KIF20A: variants seen among roughly 807,000 people sequenced by gnomAD.
KIF20A encodes kinesin-like protein KIF20A.
KIF20A carries 66 observed loss-of-function variants against 113.0 expected under a neutral mutation model. That is an observed-to-expected ratio of 0.58 (90% CI 0.48 to 0.72). The LOEUF is 0.72. Among genes scored for constraint, KIF20A ranks in the 30% least tolerant of loss-of-function variants. KIF20A has a pLI of 0.00. For synonymous variants in KIF20A, 376 were observed against 402.3 expected (o/e 0.93, Z 0.78); for missense variants, 927 against 1,077.6 (o/e 0.86, Z 1.96).
rs752551503 is a variant in KIF20A at position 138,183,623 on chromosome 5, A to G, written c.1139+42A>G. ...AATAAACTCTTCACTGTGTTCCAGGAAACATTAGTCCTCTGCCTGGTCATG... is the reference window on the plus strand; with the variant it reads ...AATAAACTCTTCACTGTGTTCCAGGGAACATTAGTCCTCTGCCTGGTCATG... On this transcript the variant is annotated intron_variant, in intron 9 of 18. Coordinates refer to ENST00000394894, the MANE Select transcript of KIF20A (RefSeq NM_005733.3). The surrounding 1 kb of genome is among the most constrained non-coding windows in gnomAD (Gnocchi z 5.2). The G allele has an allele frequency of 6.2e-7, 1 of 1,608,460 alleles. No individual in the cohort carries two copies. Among genetic ancestry groups the G allele is most frequent in the Non-Finnish European group, 8.5e-7 (1 of 1,175,018 alleles).
chr5:138,185,058 C>T (rs1251068152), intron 14 of KIF20A, 37 bp from the exon 15 acceptor site: 1 of 1,595,388 alleles, frequency 6.3e-7, no homozygotes. Flanking sequence ...TCCTCAGAAC[C>T]TTCACTTACC....
Position 138,183,671 on chromosome 5 carries a change from T to C in KIF20A, c.1140-17T>C. On this transcript the variant is annotated splice_polypyrimidine_tract_variant and intron_variant, in intron 9 of 18. Transcript: ENST00000394894. The surrounding 1 kb of genome is among the most constrained non-coding windows in gnomAD (Gnocchi z 5.2). ...ATGGAAAATGTGCAATGACTTTTTG[T>C]TTTTCTTAACTTCCAGTCACAGCAT... 6.2e-7 allele frequency: 1 copy of C among 1,613,370 alleles called. No homozygotes were observed. Among genetic ancestry groups the C allele is most frequent in the Non-Finnish European group, 8.5e-7 (1 of 1,179,448 alleles).
chr5:138,187,630 A>G lies in KIF20A; in HGVS notation c.*217A>G. The G allele has an allele frequency of 2.4e-6, 1 of 422,186 alleles. No individual in the cohort carries two copies. The highest frequency in any genetic ancestry group is 4.2e-6 in the Non-Finnish European group (1 of 236,862). The allele number at this position is 422,186 out of a possible 1,614,324, so 26.2% of individuals were successfully genotyped here. A position where few individuals can be genotyped will look rare whatever the true frequency, so the allele number is the denominator to read the frequency against. On this transcript the variant is annotated 3_prime_UTR_variant, in exon 19 of 19. Coordinates refer to ENST00000394894, the MANE Select transcript of KIF20A (RefSeq NM_005733.3). ...ACTTATATGATTTCTATGCACACAA[A>G]AACAGTTATATTAAAGATATTATTG...
chr5:138,183,872 AG>A lies in KIF20A; in HGVS notation c.1209-89del, dbSNP rs1264120699. On this transcript the variant is annotated intron_variant, in intron 10 of 18. Transcript: ENST00000394894. This position sits in a 1 kb window ranked among gnomAD's most constrained non-coding sequence, Gnocchi z 5.2. The stretch of plus-strand genomic sequence containing the variant: ...TCCTTCTTTGGGTACAGAGATTCTT[AG>A]TGGGCCGTCCCCTCTCCAGAATTAT... 1 of 1,585,228 alleles carries A rather than the reference AG, an allele frequency of 6.3e-7. No homozygotes were observed. The highest frequency in any genetic ancestry group is 1.4e-5 in the African/African-American group (1 of 74,050).
In KIF20A at chr5:138,183,258, A is replaced by T; in HGVS notation, c.922A>T (p.Ile308Phe). The change falls in exon 8 of 19, where the codon ATC becomes TTC. Residue 308 changes from isoleucine (I) to phenylalanine (F), a missense_variant. By Grantham distance (21) the Ile-to-Phe change is conservative (BLOSUM62 0). Coordinates refer to ENST00000394894, the MANE Select transcript of KIF20A (RefSeq NM_005733.3). This position sits in a 1 kb window ranked among gnomAD's most constrained non-coding sequence, Gnocchi z 5.2. The stretch of plus-strand genomic sequence containing the variant: ...CTCCATCTGGATCTCATTCTTTGAG[A>T]TCTACAACGAACTGCTTTATGACCT... ...RFSIWISFFE[I>F]YNELLYDLLE... 6.2e-7 allele frequency: 1 copy of T among 1,614,214 alleles called. No homozygotes were observed. Among genetic ancestry groups the T allele is most frequent in the Non-Finnish European group, 8.5e-7 (1 of 1,180,032 alleles).
chr5:138,179,507 T>C (rs1754598716), intron 1 of KIF20A, 153 bp from the exon 2 acceptor site: 1 of 617,794 alleles, frequency 1.6e-6, no homozygotes, highest in African/African-American at 1.8e-5. Flanking sequence ...AGTGAACTTC[T>C]CTCATTCCCT....
Position 138,187,352 on chromosome 5 carries a change from G to A in KIF20A, c.2612G>A (p.Arg871Gln), listed in dbSNP as rs765098249. 31 of 1,614,016 alleles carry A rather than the reference G, an allele frequency of 1.9e-5. No individual in the cohort carries two copies. The highest frequency in any genetic ancestry group is 2.4e-5 in the Non-Finnish European group (28 of 1,180,028). Reference sequence around the variant, plus strand: ...TCAACAGACTGCAGCCCTTATGCCCGGATCCTACGCTCACGGCGTTCCCCT... The same window carrying A: ...TCAACAGACTGCAGCCCTTATGCCCAGATCCTACGCTCACGGCGTTCCCCT... ...QSSTDCSPYARILRSRRSPLL... is the reference protein window; with the variant it reads ...QSSTDCSPYAQILRSRRSPLL... Residue 871 changes from arginine (R) to glutamine (Q), a missense_variant, in exon 19 of 19, where the codon CGG becomes CAG. Coordinates refer to ENST00000394894, the MANE Select transcript of KIF20A (RefSeq NM_005733.3).
At chr5:138,181,840 C>A in intron 4 of KIF20A, 112 bp downstream of exon 4, 1 of 1,275,754 alleles carries the variant, frequency 7.8e-7, no homozygotes. Context: ...ATATGCACAC[C>A]TACAATTTTG....
chr5:138,181,298 C>T (rs1581477141), intron 2 of KIF20A, 124 bp from the exon 3 acceptor site: 1 of 760,318 alleles, frequency 1.3e-6, no homozygotes, highest in Non-Finnish European at 2.3e-6. Flanking sequence ...AGAGTAGCTG[C>T]ACAGAGACAT....
intron 18 of KIF20A, among the ~76,000 whole-genome samples, chr5:138,186,634 T>A (rs1754750053): frequency 6.6e-6 from 1 of 152,238 alleles, no homozygotes; most frequent in South Asian, 2.1e-4. Flanking sequence ...TTATAGGCAT[T>A]TTCTGTCACA....
Position 138,181,724 on chromosome 5 carries a change from C to T in KIF20A, c.371C>T (p.Ser124Phe), listed in dbSNP as rs1423228931. Residue 124 changes from serine to phenylalanine, a missense_variant, in exon 4 of 19, where the codon TCC becomes TTC. By Grantham distance (155) the Ser-to-Phe change is radical (BLOSUM62 -2). Coordinates refer to ENST00000394894, the MANE Select transcript of KIF20A (RefSeq NM_005733.3). ...CAAGCCACACACAGGTTCACCTTTT[C>T]CCAGGTATGGAGGGTACTGGTTTGT... ...IGQATHRFTF[S>F]QIFGPEVGQA... The T allele has an allele frequency of 1.9e-6, 3 of 1,613,764 alleles. No homozygotes were observed. Among genetic ancestry groups the T allele is most frequent in the Non-Finnish European group, 2.5e-6 (3 of 1,180,024 alleles).
Position 138,184,020 on chromosome 5 carries a change from C to T in KIF20A, c.1267C>T (p.Arg423Trp), listed in dbSNP as rs750092851. The T allele has an allele frequency of 2.5e-6, 4 of 1,614,132 alleles. No homozygotes were observed. Among genetic ancestry groups the T allele is most frequent in the Non-Finnish European group, 2.5e-6 (3 of 1,180,034 alleles). ...CTGCAAAGATCAGAAGAGTGGTGAA[C>T]GGTTGAAGGAAGCAGGAAACATTAA... The part of the protein sequence containing the change: ...ERCKDQKSGE[R>W]LKEAGNINTS... The change falls in exon 11 of 19, where the codon CGG becomes TGG. Residue 423 changes from arginine (R) to tryptophan (W), a missense_variant. By Grantham distance (101) the Arg-to-Trp change is moderately radical (BLOSUM62 -3). Transcript: ENST00000394894.
chr5:138,179,499 T>C, intron 1 of KIF20A, 161 bp from the exon 2 acceptor site: 1 of 601,378 alleles, frequency 1.7e-6, no homozygotes, highest in Non-Finnish European at 2.9e-6. Flanking sequence ...GTTCATTAAG[T>C]GAACTTCTCT....
Position 138,185,666 on chromosome 5 carries a change from C to G in KIF20A, c.2081C>G (p.Ala694Gly). 1 of 1,614,154 alleles carries G rather than the reference C, an allele frequency of 6.2e-7. No individual in the cohort carries two copies. Among genetic ancestry groups the G allele is most frequent in the Non-Finnish European group, 8.5e-7 (1 of 1,180,006 alleles). Residue 694 changes from alanine to glycine, a missense_variant, in exon 16 of 19, where the codon GCT (alanine) becomes GGT (glycine). Transcript: ENST00000394894. ...ASTQQLQEVK[A>G]KLQQCKAELN... Reference sequence around the variant, plus strand: ...ACCCAGCAGCTTCAGGAGGTTAAAGCTAAATTACAGCAGTGCAAAGCAGAG... The same window carrying G: ...ACCCAGCAGCTTCAGGAGGTTAAAGGTAAATTACAGCAGTGCAAAGCAGAG...
rs1754686712 is a variant in KIF20A at position 138,183,068 on chromosome 5, C to T, written c.832+78C>T. ...TCCTAATAGCTGCCAGGAGTACAGACCAGAGGTTGCAATCTAAGGTCTGCC... is the reference window on the plus strand; with the variant it reads ...TCCTAATAGCTGCCAGGAGTACAGATCAGAGGTTGCAATCTAAGGTCTGCC... On this transcript the variant is annotated intron_variant, in intron 7 of 18. Transcript: ENST00000394894. The surrounding 1 kb of genome is among the most constrained non-coding windows in gnomAD (Gnocchi z 5.2). The T allele has an allele frequency of 2.5e-6, 4 of 1,604,730 alleles. No homozygotes were observed. Among genetic ancestry groups the T allele is most frequent in the African/African-American group, 1.3e-5 (1 of 74,822 alleles).
At chr5:138,182,263 T>C in intron 4 of KIF20A, 60 bp from the exon 5 acceptor site, 2 of 1,573,114 alleles carry the variant, frequency 1.3e-6, no homozygotes, top group African/African-American at 1.4e-5. Flanking sequence ...CTGCTGGCTC[T>C]GCACAGGAGG....
chr5:138,185,810 C>G (rs969915699), intron 16 of KIF20A, 100 bp downstream of exon 16: 1 of 1,381,576 alleles, frequency 7.2e-7, no homozygotes, highest in Non-Finnish European at 1.0e-6. Flanking sequence ...ATTTCCTAAA[C>G]TGCAAGCTAC....
chr5:138,182,742 A>G lies in KIF20A; in HGVS notation c.671A>G (p.Lys224Arg). The change falls in exon 6 of 19, where the codon AAG (lysine) becomes AGG (arginine). Residue 224 changes from lysine to arginine, a missense_variant. Transcript: ENST00000394894. ...CAGATCCGACAGGAGGAAATGAAGA[A>G]GCTGTCCCTGCTAAATGGAGGCCTC... is the stretch of plus-strand genomic sequence containing the variant. ...SKQIRQEEMK[K>R]LSLLNGGLQE... The G allele has an allele frequency of 6.2e-7, 1 of 1,613,996 alleles. No homozygotes were observed. The highest frequency in any genetic ancestry group is 1.1e-5 in the South Asian group (1 of 91,088).
At chr5:138,186,909 C>A (rs2151234500) in intron 18 of KIF20A, among the ~76,000 whole-genome samples, 187 bp from the exon 19 acceptor site, 1 of 152,312 alleles carries the variant, frequency 6.6e-6, no homozygotes, top group Middle Eastern at 3.4e-3. Context: ...CTATTCAGCA[C>A]TGCTTATGTT....
Sources: allele counts gnomAD v4.1 joint callset (sites outside exome capture counted in the v4.1 genomes callset), GRCh38; gene constraint gnomAD v4.1.1; non-coding constraint Gnocchi (gnomAD v3.1); transcripts MANE v1.5; gene names NCBI Gene and HGNC (gene_info 2026-07-23, HGNC 2026-07-21).